Variants in LANCL2 observed in about 807,000 individuals in gnomAD.
LANCL2 encodes the protein LanC like glutathione S-transferase 2, also known as lanC-like protein 2.
LANCL2 carries 33 observed loss-of-function variants against 56.9 expected under a neutral mutation model. That is an observed-to-expected ratio of 0.58 (90% CI 0.44 to 0.78). The LOEUF (loss-of-function observed/expected upper bound fraction) is 0.78. Among genes scored for constraint, LANCL2 ranks in the 30% least tolerant of loss-of-function variants. LANCL2 has a pLI of 0.00. For synonymous variants in LANCL2, 233 were observed against 228.2 expected (o/e 1.02, Z -0.19); for missense variants, 562 against 580.2 (o/e 0.97, Z 0.32).
At chr7:55,394,645 G>C (rs768929243) in intron 2 of LANCL2, among the ~76,000 whole-genome samples, 12 of 152,186 alleles carry the variant, frequency 7.9e-5, no homozygotes, top group Non-Finnish European at 1.5e-4. Context: ...AAGTCATGTT[G>C]GGTAAAAAAC....
At chr7:55,412,709 A>G (rs1285719989) in intron 6 of LANCL2, among the ~76,000 whole-genome samples, 1 of 152,212 alleles carries the variant, frequency 6.6e-6, no homozygotes, top group African/African-American at 2.4e-5. Flanking sequence ...AGTTGAAGTG[A>G]TGCTTCTTTT....
intron 1 of LANCL2, among the ~76,000 whole-genome samples, chr7:55,374,003 C>T (rs1043454034): frequency 6.6e-6 from 1 of 152,340 alleles, no homozygotes; most frequent in East Asian, 1.9e-4. Context: ...TAGTACCATG[C>T]AGCAATTGTT....
chr7:55,388,460 G>A (rs961516296), intron 1 of LANCL2, among the ~76,000 whole-genome samples: 14 of 152,210 alleles, frequency 9.2e-5, no homozygotes, highest in Non-Finnish European at 1.8e-4. Flanking sequence ...GCACGAGAAT[G>A]GCTTGAACCT....
At chr7:55,375,590 G>A (rs780437809) in intron 1 of LANCL2, among the ~76,000 whole-genome samples, 3 of 152,306 alleles carry the variant, frequency 2.0e-5, no homozygotes, top group South Asian at 2.1e-4. Context: ...GTATTTTTCC[G>A]TTGTTGCCAT....
Position 55,405,604 on chromosome 7 carries a change from C to T in LANCL2, c.825+4284C>T, listed in dbSNP as rs540782912. On this transcript the variant is annotated intron_variant, in intron 5 of 8. Transcript: ENST00000254770. ...CTCCCGGGTTTAAGTGATTCTCCTG[C>T]AGCCCCACGAGTGTGCTGGGATTAC... 1.5e-4 allele frequency among the ~76,000 whole-genome samples: 23 copies of T among 150,920 alleles called. No homozygotes were observed. In the East Asian group the frequency reaches 4.5e-3, roughly 29 times the overall value.
intron 1 of LANCL2, among the ~76,000 whole-genome samples, chr7:55,387,847 AT>A (rs923833655): frequency 3.3e-5 from 5 of 152,182 alleles, no homozygotes; most frequent in Admixed American, 6.5e-5. Context: ...ACCATAGAAG[AT>A]TTTTTTCTGT....
rs752762048 is a variant in LANCL2, at chr7:55,366,224, G to A, written c.199G>A (p.Gly67Arg). Reference protein sequence around the residue: ...DEPGLPFHQDGKIIHNFIRRI... With the variant: ...DEPGLPFHQDRKIIHNFIRRI... ...GCCCGGCCTCCCTTTTCATCAGGAC[G>A]GGAAGGTGAGTCGGCGGCCTGGCCG... The change falls in exon 1 of 9, where the codon GGG (glycine) becomes AGG (arginine). Residue 67 changes from glycine (G) to arginine (R), a missense_variant. Coordinates refer to ENST00000254770, the MANE Select transcript of LANCL2 (RefSeq NM_018697.4). 2 of 1,509,252 alleles carry A rather than the reference G, an allele frequency of 1.3e-6. No individual in the cohort carries two copies. Among genetic ancestry groups the A allele is most frequent in the African/African-American group, 1.4e-5 (1 of 69,960 alleles). 93.5% of individuals were successfully genotyped at this position (1,509,252 alleles called of 1,614,324 possible). A position where few individuals can be genotyped will look rare whatever the true frequency, so the allele number is the denominator to read the frequency against.
At chr7:55,379,760 A>G (rs1302907300) in intron 1 of LANCL2, 1 of 152,698 alleles carries the variant, frequency 6.5e-6, no homozygotes, top group Non-Finnish European at 1.5e-5. Context: ...ATTCAGTAAC[A>G]GAAGCAAAGT....
At chr7:55,423,118 A>G (rs572490303) in intron 6 of LANCL2, among the ~76,000 whole-genome samples, 15 of 152,350 alleles carry the variant, frequency 9.8e-5, no homozygotes, top group African/African-American at 2.4e-4. Context: ...CTGTAATACA[A>G]TGTGGAGAAG....
Position 55,366,242 on chromosome 7 carries a change from C to T in LANCL2, c.204+13C>T. 1 of 1,480,256 alleles carries T rather than the reference C, an allele frequency of 6.8e-7. No homozygotes were observed. Among genetic ancestry groups the T allele is most frequent in the Non-Finnish European group, 9.0e-7 (1 of 1,107,604 alleles). The allele number at this position is 1,480,256 out of a possible 1,614,324, so 91.7% of individuals were successfully genotyped here. ...TCAGGACGGGAAGGTGAGTCGGCGG[C>T]CTGGCCGCAGAGGCGCCGGAGGGGG... On this transcript the variant is annotated intron_variant, in intron 1 of 8. Coordinates refer to ENST00000254770, the MANE Select transcript of LANCL2 (RefSeq NM_018697.4).
intron 6 of LANCL2, among the ~76,000 whole-genome samples, chr7:55,424,716 C>T (rs981169228): frequency 2.6e-5 from 4 of 152,192 alleles, no homozygotes; most frequent in Non-Finnish European, 5.9e-5. Flanking sequence ...GGTACTGGTC[C>T]GTGGCCTGTT....
At chr7:55,401,549 T>C (rs1474150999) in intron 5 of LANCL2, among the ~76,000 whole-genome samples, 1 of 80,724 alleles carries the variant, frequency 1.2e-5, no homozygotes, top group Non-Finnish European at 2.6e-5. Flanking sequence ...TTTCCAATTT[T>C]CTTTTTTTTT....
chr7:55,415,194 T>TA (rs967002344), intron 6 of LANCL2, among the ~76,000 whole-genome samples: 1 of 152,114 alleles, frequency 6.6e-6, no homozygotes, highest in Non-Finnish European at 1.5e-5. Context: ...TGTAAACAAA[T>TA]ACATTTGTTA....
At chr7:55,405,802 G>T (rs986178702) in intron 5 of LANCL2, among the ~76,000 whole-genome samples, 21 of 152,110 alleles carry the variant, frequency 1.4e-4, no homozygotes, top group African/African-American at 4.3e-4. Flanking sequence ...CCATTGATCT[G>T]CTTTTAAAGT....
At chr7:55,367,971 G>A (rs1239131415) in intron 1 of LANCL2, among the ~76,000 whole-genome samples, 1 of 152,110 alleles carries the variant, frequency 6.6e-6, no homozygotes, top group African/African-American at 2.4e-5. Flanking sequence ...GTGACTTAGT[G>A]TTTCATTTTT....
intron 1 of LANCL2, among the ~76,000 whole-genome samples, chr7:55,382,870 T>C (rs1790084890): frequency 6.6e-6 from 1 of 152,208 alleles, no homozygotes. Flanking sequence ...TGTGGCTAAT[T>C]TGTTAGTCTT....
chr7:55,398,304 AC>A (rs1323283406), intron 2 of LANCL2, 118 bp from the exon 3 acceptor site: 1 of 708,808 alleles, frequency 1.4e-6, no homozygotes, highest in Non-Finnish European at 2.4e-6. Context: ...TTTTGGTGTT[AC>A]CCGTTTGGAA....
At chr7:55,400,548 C>T (rs1219348191) in intron 4 of LANCL2, among the ~76,000 whole-genome samples, 1 of 152,220 alleles carries the variant, frequency 6.6e-6, no homozygotes, top group Non-Finnish European at 1.5e-5. Context: ...GTTAGGGACT[C>T]AGTCTCCAAG....
At chr7:55,400,169 T>G in intron 4 of LANCL2, 65 bp downstream of exon 4, 4 of 1,329,718 alleles carry the variant, frequency 3.0e-6, no homozygotes, top group Non-Finnish European at 4.0e-6. Context: ...AGCATTGAGT[T>G]GTATTAACAG....
Sources: allele counts gnomAD v4.1 joint callset (sites outside exome capture counted in the v4.1 genomes callset), GRCh38; gene constraint gnomAD v4.1.1; transcripts MANE v1.5; gene names NCBI Gene and HGNC (gene_info 2026-07-23, HGNC 2026-07-21).